The following SPATA33 variants were observed in gnomAD, a reference collection of about 807,000 sequenced individuals.
The protein encoded by SPATA33 is spermatogenesis-associated protein 33.
SPATA33 carries 10 observed loss-of-function variants against 8.9 expected under a neutral mutation model. The ratio of observed to expected loss-of-function variants is 1.12; its 90% CI spans 0.69 to 1.90. The LOEUF (loss-of-function observed/expected upper bound fraction) is 1.90. Among genes scored for constraint, SPATA33 ranks in the 40% most tolerant of loss-of-function variants. The pLI, the probability that SPATA33 is intolerant of heterozygous loss-of-function variation, is 0.00. For synonymous variants in SPATA33, 96 were observed against 72.8 expected, an observed-to-expected ratio of 1.32 and a Z score of -1.63; for missense variants, 241 against 178.3, an observed-to-expected ratio of 1.35 and a Z score of -2.00.
chr16:89,660,552 C>T (rs770301155), intron 2 of SPATA33: 59 of 1,231,610 alleles, frequency 4.8e-5, no homozygotes, highest in South Asian at 8.2e-5. Flanking sequence ...ACGGGCTGAG[C>T]GACAGTGAGG....
chr16:89,663,947 G>C (rs1172351099), intron 2 of SPATA33, among the ~76,000 whole-genome samples: 1 of 152,144 alleles, frequency 6.6e-6, no homozygotes, highest in East Asian at 1.9e-4. Context: ...GGTGAAACCT[G>C]ATTTTTACAA....
In SPATA33 at chr16:89,669,900, C is replaced by T. The variant is rs1360660864; in HGVS notation, c.*403C>T. 9.1e-6 allele frequency: 2 copies of T among 219,752 alleles called. No individual in the cohort carries two copies. The highest frequency in any genetic ancestry group is 2.3e-5 in the African/African-American group (1 of 43,066). The allele number at this position is 219,752 out of a possible 1,614,324, so 13.6% of individuals were successfully genotyped here. A position where few individuals can be genotyped will look rare whatever the true frequency, so the allele number is the denominator to read the frequency against. On this transcript the variant is annotated 3_prime_UTR_variant, in exon 3 of 3. Coordinates refer to ENST00000579310, the MANE Select transcript of SPATA33 (RefSeq NM_001271907.2). ...CCCACCCTGTGAGAAGCCACCGCCC[C>T]CTTCTCCAGTGCTCTCGGGGAGGGT...
rs1643898155 is a variant in SPATA33 at position 89,670,120 on chromosome 16, C to G, written c.*623C>G. ...GGGAGGGTACACCAGGCCCGCCCCA[C>G]CCTGTGAGAAGCCGTGGCCCCCTTC... On this transcript the variant is annotated 3_prime_UTR_variant, in exon 3 of 3. Transcript: ENST00000579310. 1 of 153,708 alleles carries G rather than the reference C, an allele frequency of 6.5e-6. No homozygotes were observed. Among genetic ancestry groups the G allele is most frequent in the Non-Finnish European group, 1.4e-5 (1 of 69,824 alleles). The allele number at this position is 153,708 out of a possible 1,614,324, so 9.5% of individuals were successfully genotyped here. A position where few individuals can be genotyped will look rare whatever the true frequency, so the allele number is the denominator to read the frequency against.
intron 2 of SPATA33, among the ~76,000 whole-genome samples, chr16:89,668,299 G>A (rs549986615): frequency 6.6e-6 from 1 of 152,340 alleles, no homozygotes; most frequent in African/African-American, 2.4e-5. Context: ...GTGACAGAGC[G>A]AGACTCCGTC....
At chr16:89,660,793 A>G in intron 2 of SPATA33, 1 of 1,049,400 alleles carries the variant, frequency 9.5e-7, no homozygotes, top group Non-Finnish European at 1.2e-6. Context: ...TTTCGACCTG[A>G]ATCTGAACAT....
chr16:89,658,050 C>T (rs1482591097), intron 1 of SPATA33, 102 bp downstream of exon 1: 4 of 1,457,372 alleles, frequency 2.7e-6, no homozygotes, highest in Non-Finnish European at 3.6e-6. Flanking sequence ...AGGCGCCAGG[C>T]TCGGCCCGGT....
chr16:89,665,594 G>A (rs533322470), intron 2 of SPATA33, among the ~76,000 whole-genome samples: 5 of 152,150 alleles, frequency 3.3e-5, no homozygotes, highest in Non-Finnish European at 5.9e-5. Context: ...GATTACAGGC[G>A]TGAGCCACTG....
intron 2 of SPATA33, chr16:89,660,640 G>C: frequency 1.0e-6 from 1 of 1,001,706 alleles, no homozygotes; most frequent in East Asian, 3.3e-5. Flanking sequence ...CCAGAGGAAA[G>C]ACCACTCATG....
intron 2 of SPATA33, among the ~76,000 whole-genome samples, chr16:89,665,677 A>G (rs960579517): frequency 1.3e-5 from 2 of 152,240 alleles, no homozygotes; most frequent in African/African-American, 4.8e-5. Context: ...TTTAGACTAG[A>G]AAATTTCAAT....
At chr16:89,662,200 A>G (rs2059973847) in intron 2 of SPATA33, among the ~76,000 whole-genome samples, 1 of 152,002 alleles carries the variant, frequency 6.6e-6, no homozygotes, top group Non-Finnish European at 1.5e-5. Flanking sequence ...AGGCTGAAGC[A>G]AGAGAATAGC....
rs258330 is a variant in SPATA33 at position 89,663,166 on chromosome 16, T to A, written c.211+4745T>A. On this transcript the variant is annotated intron_variant, in intron 2 of 2. Transcript: ENST00000579310. ...AAAAAGAAGAGAAATGGAACACTTC[T>A]ATTGGCTATTAAAAAATACCATGCT... Among the ~76,000 whole-genome samples, 5 of 151,814 alleles carry A rather than the reference T, an allele frequency of 3.3e-5. No individual in the cohort carries two copies. The South Asian group carries it at 1.0e-3, about 32-fold the overall frequency.
chr16:89,659,461 G>C (rs1004195652), intron 2 of SPATA33: 1 of 152,266 alleles, frequency 6.6e-6, no homozygotes, highest in African/African-American at 2.4e-5. Flanking sequence ...ATCACTTAAG[G>C]TCAGGAGTTC....
chr16:89,669,627 T>A lies in SPATA33; in HGVS notation c.*130T>A. 2 of 832,800 alleles carry A rather than the reference T, an allele frequency of 2.4e-6. No homozygotes were observed. The highest frequency in any genetic ancestry group is 3.7e-6 in the Non-Finnish European group (2 of 543,880). 51.6% of individuals were successfully genotyped at this position (832,800 alleles called of 1,614,324 possible). Reference sequence around the variant, plus strand: ...AGGTTGCACCAGGCCCACCCCACCCTGTGAGAAACTGCAGCCCCCTTCTCC... The same window carrying A: ...AGGTTGCACCAGGCCCACCCCACCCAGTGAGAAACTGCAGCCCCCTTCTCC... On this transcript the variant is annotated 3_prime_UTR_variant, in exon 3 of 3. Coordinates refer to ENST00000579310, the MANE Select transcript of SPATA33 (RefSeq NM_001271907.2).
intron 2 of SPATA33, among the ~76,000 whole-genome samples, chr16:89,668,705 C>T (rs2060058931): frequency 1.3e-5 from 2 of 152,166 alleles, no homozygotes; most frequent in African/African-American, 2.4e-5. Context: ...AGCAGTGGCA[C>T]TCCAGGAAGG....
chr16:89,662,004 C>A (rs144964963), intron 2 of SPATA33, among the ~76,000 whole-genome samples: 17 of 152,028 alleles, frequency 1.1e-4, no homozygotes, highest in African/African-American at 4.1e-4. Flanking sequence ...CTTAAAGATA[C>A]TCAGAATGCC....
chr16:89,669,759 G>C lies in SPATA33; in HGVS notation c.*262G>C. 2.3e-6 allele frequency: 1 copy of C among 443,816 alleles called. No homozygotes were observed. The highest frequency in any genetic ancestry group is 4.0e-6 in the Non-Finnish European group (1 of 248,888). The allele number at this position is 443,816 out of a possible 1,614,324, so 27.5% of individuals were successfully genotyped here. A position where few individuals can be genotyped will look rare whatever the true frequency, so the allele number is the denominator to read the frequency against. On this transcript the variant is annotated 3_prime_UTR_variant, in exon 3 of 3. Transcript: ENST00000579310. ...TGCACCAGGCCTGCCCCCGCCGTGA[G>C]AAACTGCAGTCCCCTTCTCCAGTGC...
At chr16:89,662,852 G>T in intron 2 of SPATA33, among the ~76,000 whole-genome samples, 1 of 152,004 alleles carries the variant, frequency 6.6e-6, no homozygotes, top group East Asian at 1.9e-4. Context: ...GGAGTGCAGT[G>T]GCACAATCTT....
At chr16:89,667,295 C>G (rs2060039340) in intron 2 of SPATA33, among the ~76,000 whole-genome samples, 1 of 152,236 alleles carries the variant, frequency 6.6e-6, no homozygotes, top group South Asian at 2.1e-4. Flanking sequence ...CATGTCCCCC[C>G]AGCTCCTGTC....
intron 2 of SPATA33, among the ~76,000 whole-genome samples, chr16:89,664,560 TAGGGCCCGACC>T (rs2060000859): frequency 6.6e-6 from 1 of 151,702 alleles, no homozygotes; most frequent in African/African-American, 2.4e-5. Flanking sequence ...AGAGGCTCTT[TAGGGCCCGACC>T]TGATCAGGGA....
Sources: gnomAD v4.1 joint callset for allele counts (sites outside exome capture counted in the v4.1 genomes callset) on GRCh38, gnomAD v4.1.1 for gene constraint, MANE v1.5 for transcripts, NCBI Gene and HGNC (gene_info 2026-07-23, HGNC 2026-07-21) for gene names.